Variants in IFTAP observed in about 807,000 individuals in gnomAD.
IFTAP encodes intraflagellar transport associated protein.
Under a neutral mutation model 19.4 loss-of-function variants are expected in IFTAP, and 19 were observed. The ratio of observed to expected loss-of-function variants is 0.98; its 90% confidence interval spans 0.68 to 1.44. The LOEUF is 1.44. Among genes scored for constraint, IFTAP ranks in the 40% most tolerant of loss-of-function variants. The probability of loss-of-function intolerance (pLI) is 0.00; values close to 1 mark genes in which losing one functional copy is unlikely to be tolerated. For synonymous variants in IFTAP, 85 were observed against 83.5 expected, an observed-to-expected ratio of 1.02 and a Z score of -0.10; for missense variants, 240 against 253.6, an observed-to-expected ratio of 0.95 and a Z score of 0.36.
At chr11:36,642,088 G>A (rs191775765) in intron 4 of IFTAP, among the ~76,000 whole-genome samples, 2 of 151,990 alleles carry the variant, frequency 1.3e-5, no homozygotes, top group African/African-American at 4.8e-5. Flanking sequence ...CAGAGACTAG[G>A]ATAAAATTGA....
In IFTAP at chr11:36,596,222, G is replaced by GCT. The variant is rs1554947874; in HGVS notation, c.-24+1630_-24+1631insCT. On this transcript the variant is annotated intron_variant, in intron 1 of 5. Coordinates refer to ENST00000334307, the MANE Select transcript of IFTAP (RefSeq NM_138787.4). ...AATGAGATGGTAGTGTTTTTTTTTT[G>GCT]TTTTTTTTTTTTTTTGCTTTAAAGA... 9.0e-4 allele frequency among the ~76,000 whole-genome samples: 106 copies of GCT among 118,380 alleles called. 1 individual carries two copies. The highest frequency in any genetic ancestry group is 5.2e-3 in the Middle Eastern group (1 of 192). The allele number at this position is 118,380 out of a possible 152,430, so 77.7% of individuals were successfully genotyped here.
At chr11:36,622,222 A>G (rs1006777639) in intron 2 of IFTAP, among the ~76,000 whole-genome samples, 10 of 151,870 alleles carry the variant, frequency 6.6e-5, no homozygotes, top group Admixed American at 2.0e-4. Flanking sequence ...TATTCTTACA[A>G]ATGTGTTCAG....
intron 5 of IFTAP, among the ~76,000 whole-genome samples, chr11:36,658,486 A>G (rs943700204): frequency 6.6e-6 from 1 of 152,220 alleles, no homozygotes; most frequent in Non-Finnish European, 1.5e-5. Flanking sequence ...TTTTAAATTT[A>G]AAATATGTTT....
intron 2 of IFTAP, among the ~76,000 whole-genome samples, chr11:36,626,635 C>G (rs16929212): frequency 0.012 from 1,828 of 151,316 alleles, 30 homozygotes; most frequent in East Asian, 0.031. Flanking sequence ...TGGGAATAGA[C>G]AAGCAATGAA....
rs1430493813 is a variant in IFTAP at position 36,614,171 on chromosome 11, TG to T, written c.136+3934del. On this transcript the variant is annotated intron_variant, in intron 2 of 5. Transcript: ENST00000334307. ...CCTATGATTGAGAATATGCGGTGTT[TG>T]GTTTTTTGTTCTTGCGATAGTTTAC... Among the ~76,000 whole-genome samples, 4 of 146,696 alleles carry T rather than the reference TG, an allele frequency of 2.7e-5. No individual in the cohort carries two copies. The Admixed American group carries it at 2.7e-4, about 10-fold the overall frequency.
intron 2 of IFTAP, among the ~76,000 whole-genome samples, chr11:36,620,859 A>G (rs1852263220): frequency 6.7e-6 from 1 of 148,692 alleles, no homozygotes; most frequent in Admixed American, 6.7e-5. Context: ...TTTGAAAAGA[A>G]TGAAATTGTT....
At chr11:36,598,714 A>T (rs576421430) in intron 1 of IFTAP, among the ~76,000 whole-genome samples, 1 of 152,280 alleles carries the variant, frequency 6.6e-6, no homozygotes, top group South Asian at 2.1e-4. Flanking sequence ...TGATTAAGAA[A>T]ATGGGCTTTT....
chr11:36,648,999 A>G (rs988999450), intron 5 of IFTAP, among the ~76,000 whole-genome samples: 1 of 152,168 alleles, frequency 6.6e-6, no homozygotes, highest in Non-Finnish European at 1.5e-5. Flanking sequence ...ACATGTATCA[A>G]TAGAGACTGT....
chr11:36,641,292 A>T (rs1377671672), intron 4 of IFTAP, among the ~76,000 whole-genome samples: 2 of 152,084 alleles, frequency 1.3e-5, no homozygotes, highest in Non-Finnish European at 2.9e-5. Flanking sequence ...TTAATATGTA[A>T]TTTGATTATT....
At chr11:36,606,819 A>G (rs1315376964) in intron 1 of IFTAP, among the ~76,000 whole-genome samples, 1 of 152,240 alleles carries the variant, frequency 6.6e-6, no homozygotes, top group East Asian at 1.9e-4. Context: ...GGAAAAGCAG[A>G]TTGACGTTGA....
At chr11:36,621,014 A>G (rs112385223) in intron 2 of IFTAP, among the ~76,000 whole-genome samples, 17,207 of 152,016 alleles carry the variant, frequency 0.11, 1,140 homozygotes, top group African/African-American at 0.17. Flanking sequence ...TAATAGTTAA[A>G]TAAACTTTTA....
intron 2 of IFTAP, among the ~76,000 whole-genome samples, chr11:36,621,475 A>G (rs1852288989): frequency 3.3e-5 from 5 of 151,894 alleles, no homozygotes. Context: ...CTCTTCTTGC[A>G]GTTCATTGCA....
At chr11:36,615,714 CTCTG>C (rs1374206425) in intron 2 of IFTAP, among the ~76,000 whole-genome samples, 10 of 140,172 alleles carry the variant, frequency 7.1e-5, no homozygotes, top group Non-Finnish European at 9.3e-5. Flanking sequence ...TGATTTGGCT[CTCTG>C]TCTGTTGTTG....
At position 36,599,393 on chromosome 11, in the gene IFTAP, T is replaced by A. The variant is rs17630004; in HGVS notation, c.-24+4801T>A. Reference sequence around the variant, plus strand: ...ATCAGTTTCCATATGGCTTAGATGATAAAATGTAATGATCAGAGCTAGGCA... The same window carrying A: ...ATCAGTTTCCATATGGCTTAGATGAAAAAATGTAATGATCAGAGCTAGGCA... On this transcript the variant is annotated intron_variant, in intron 1 of 5. Transcript: ENST00000334307. Among the ~76,000 whole-genome samples, 1,279 of 152,338 alleles carry A rather than the reference T, an allele frequency of 8.4e-3. 6 individuals carry two copies. Among genetic ancestry groups the A allele is most frequent in the Non-Finnish European group, 0.012 (850 of 68,026 alleles).
At chr11:36,599,116 C>T (rs2133343336) in intron 1 of IFTAP, among the ~76,000 whole-genome samples, 1 of 152,236 alleles carries the variant, frequency 6.6e-6, no homozygotes, top group Non-Finnish European at 1.5e-5. Flanking sequence ...ACCTCAGCCT[C>T]CCGAATAGCT....
intron 2 of IFTAP, among the ~76,000 whole-genome samples, chr11:36,629,288 C>G (rs1852640728): frequency 6.6e-6 from 1 of 151,336 alleles, no homozygotes; most frequent in Non-Finnish European, 1.5e-5. Flanking sequence ...ATCCCCTATT[C>G]TCTTTGCAGA....
chr11:36,633,686 A>T (rs1339419183), intron 3 of IFTAP, among the ~76,000 whole-genome samples: 1 of 152,130 alleles, frequency 6.6e-6, no homozygotes, highest in Admixed American at 6.5e-5. Context: ...AGGATCTGCC[A>T]TCTATAAATT....
chr11:36,645,169 G>A (rs144357929), intron 4 of IFTAP, among the ~76,000 whole-genome samples: 11 of 152,178 alleles, frequency 7.2e-5, no homozygotes, highest in Non-Finnish European at 1.3e-4. Context: ...TAATATTATT[G>A]TATATAAATT....
rs1252812437 is a variant in IFTAP at position 36,633,265 on chromosome 11, G to T, written c.137-19G>T. On this transcript the variant is annotated intron_variant, in intron 2 of 5. Coordinates refer to ENST00000334307, the MANE Select transcript of IFTAP (RefSeq NM_138787.4). Reference sequence around the variant, plus strand: ...GGTATTGTGGATGTTTTCTAATAGTGCATAACTTCTTATTTCAGAGGATCA... The same window carrying T: ...GGTATTGTGGATGTTTTCTAATAGTTCATAACTTCTTATTTCAGAGGATCA... The T allele has an allele frequency of 8.6e-6, 13 of 1,503,754 alleles. No individual in the cohort carries two copies. Among genetic ancestry groups the T allele is most frequent in the Non-Finnish European group, 1.1e-5 (12 of 1,136,574 alleles). 93.2% of individuals were successfully genotyped at this position (1,503,754 alleles called of 1,614,324 possible). A position where few individuals can be genotyped will look rare whatever the true frequency, so the allele number is the denominator to read the frequency against.
Sources: allele counts gnomAD v4.1 joint callset (sites outside exome capture counted in the v4.1 genomes callset), GRCh38; gene constraint gnomAD v4.1.1; transcripts MANE v1.5; gene names NCBI Gene and HGNC (gene_info 2026-07-23, HGNC 2026-07-21).